The following EIF4ENIF1 variants were observed in gnomAD, a reference collection of about 807,000 sequenced individuals.
The protein encoded by EIF4ENIF1 is eukaryotic translation initiation factor 4E nuclear import factor 1.
In EIF4ENIF1, 23 loss-of-function variants were observed where a neutral mutation model predicts 110.5. The observed-to-expected ratio is 0.21, with a 90% CI of 0.15 to 0.29. The LOEUF (loss-of-function observed/expected upper bound fraction) is 0.29. Among genes scored for constraint, EIF4ENIF1 ranks in the 10% least tolerant of loss-of-function variants. The pLI is 1.00. For synonymous variants in EIF4ENIF1, 440 were observed against 437.0 expected, an observed-to-expected ratio of 1.01 and a Z score of -0.09; for missense variants, 1,031 against 1,221.1, an observed-to-expected ratio of 0.84 and a Z score of 2.32.
rs768711840 is a variant in EIF4ENIF1, at chr22:31,440,047, G to T, written c.2791C>A (p.Arg931=). The T allele has an allele frequency of 6.2e-7, 1 of 1,614,056 alleles. No homozygotes were observed. Among genetic ancestry groups the T allele is most frequent in the Non-Finnish European group, 8.5e-7 (1 of 1,179,940 alleles). The part of the protein sequence containing the change: ...VQTTPQNVPS[R]SGLPHMHSQL... The stretch of plus-strand genomic sequence containing the variant: ...GAGTGCATGTGGGGCAGGCCTGACC[G>T]GCTGGGCACGTTCTGAGGGGTTGTC... The change falls in exon 19 of 19, where the codon CGG becomes AGG. Residue 931 remains arginine, a synonymous_variant. Transcript: ENST00000330125.
In EIF4ENIF1 at chr22:31,441,943, G is replaced by T. The variant is rs773107921; in HGVS notation, c.2382C>A (p.Thr794=). 1.2e-6 allele frequency: 2 copies of T among 1,614,198 alleles called. No individual in the cohort carries two copies. Among genetic ancestry groups the T allele is most frequent in the South Asian group, 2.2e-5 (2 of 91,088 alleles). The change falls in exon 17 of 19, where the codon ACC becomes ACA. Residue 794 remains threonine (T), a synonymous_variant. Transcript: ENST00000330125. ...RPKATGRKTP[T]LASPVPTTPF... is the part of the protein sequence containing the mutation. Reference sequence around the variant, plus strand: ...GTGTTGTAGGAACTGGGGATGCCAAGGTGGGTGTTTTTCTCCCAGTTGCTT... The same window carrying T: ...GTGTTGTAGGAACTGGGGATGCCAATGTGGGTGTTTTTCTCCCAGTTGCTT...
chr22:31,492,262 G>T (rs931775244), upstream of EIF4ENIF1, among the ~76,000 whole-genome samples: 7 of 152,178 alleles, frequency 4.6e-5, 2 homozygotes, highest in Non-Finnish European at 4.4e-5. Flanking sequence ...TCTACCACGT[G>T]CCACATTCTG....
chr22:31,472,539 G>C (rs1219726358), intron 2 of EIF4ENIF1, among the ~76,000 whole-genome samples: 1 of 152,134 alleles, frequency 6.6e-6, no homozygotes, highest in African/African-American at 2.4e-5. Context: ...AAAGTGCTGG[G>C]ATTACAGGTG....
chr22:31,461,022 C>G (rs2050976422), intron 6 of EIF4ENIF1, among the ~76,000 whole-genome samples: 1 of 152,158 alleles, frequency 6.6e-6, no homozygotes, highest in Non-Finnish European at 1.5e-5. Flanking sequence ...AGGCTTTCAA[C>G]TAAGCCTGAA....
At chr22:31,466,868 C>T (rs901860044) in intron 4 of EIF4ENIF1, among the ~76,000 whole-genome samples, 3 of 152,036 alleles carry the variant, frequency 2.0e-5, no homozygotes, top group Non-Finnish European at 4.4e-5. Context: ...CCTAGAAAAA[C>T]CAGGAAACTG....
At chr22:31,468,151 A>T (rs759762125) in intron 4 of EIF4ENIF1, 24 bp downstream of exon 4, 36 of 1,609,468 alleles carry the variant, frequency 2.2e-5, no homozygotes, top group Non-Finnish European at 2.7e-5. Flanking sequence ...CACTAACCCC[A>T]CTTCTGAGTG....
chr22:31,466,427 A>C (rs935332329), intron 4 of EIF4ENIF1, among the ~76,000 whole-genome samples: 5 of 146,368 alleles, frequency 3.4e-5, no homozygotes, highest in African/African-American at 1.3e-4. Context: ...GGGGGAAAAA[A>C]AAATTAGCTG....
chr22:31,444,497 T>C (rs2050399852), intron 15 of EIF4ENIF1, 109 bp downstream of exon 15: 1 of 1,031,918 alleles, frequency 9.7e-7, no homozygotes, highest in Non-Finnish European at 1.5e-6. Flanking sequence ...AGGTCAGTTA[T>C]TTCCGTGGAA....
intron 10 of EIF4ENIF1, chr22:31,450,743 C>T (rs13058217): frequency 5.2e-6 from 1 of 191,114 alleles, no homozygotes; most frequent in Non-Finnish European, 1.1e-5. Context: ...CACACACACT[C>T]ATATATACAC....
rs555266538 is a variant in EIF4ENIF1 at position 31,442,909 on chromosome 22, G to A, written c.2206+53C>T. On this transcript the variant is annotated intron_variant, in intron 16 of 18. Coordinates refer to ENST00000330125, the MANE Select transcript of EIF4ENIF1 (RefSeq NM_019843.4). Reference sequence around the variant, plus strand: ...CAGGCTGGTCAGCGCTCAGGCCCATGTTTTCTCCATCACATACTTTCTTGA... The same window carrying A: ...CAGGCTGGTCAGCGCTCAGGCCCATATTTTCTCCATCACATACTTTCTTGA... 23 of 1,603,226 alleles carry A rather than the reference G, an allele frequency of 1.4e-5. No individual in the cohort carries two copies. The African/African-American group carries it at 2.4e-4, about 17-fold the overall frequency.
intron 2 of EIF4ENIF1, among the ~76,000 whole-genome samples, chr22:31,483,624 T>C (rs1234761011): frequency 2.0e-5 from 3 of 152,090 alleles, no homozygotes; most frequent in Admixed American, 1.3e-4. Flanking sequence ...TTAATACCAC[T>C]GAGAAGAGGC....
chr22:31,450,273 T>A lies in EIF4ENIF1; in HGVS notation c.1584+16A>T, dbSNP rs1569072060. The A allele has an allele frequency of 6.2e-7, 1 of 1,610,856 alleles. No individual in the cohort carries two copies. Among genetic ancestry groups the A allele is most frequent in the East Asian group, 2.2e-5 (1 of 44,830 alleles). On this transcript the variant is annotated intron_variant, in intron 11 of 18. Transcript: ENST00000330125. ...TGTTCAAGACTCCAAGGCCTCAGTA[T>A]AAGATTGTGAAGTACCTGCAGGATG...
chr22:31,485,998 G>C (rs2052005815), intron 2 of EIF4ENIF1, among the ~76,000 whole-genome samples: 1 of 151,978 alleles, frequency 6.6e-6, no homozygotes, highest in Non-Finnish European at 1.5e-5. Context: ...TATAATTCCA[G>C]CATTTTGGGG....
At chr22:31,492,593 GA>G (rs1569118033), upstream of EIF4ENIF1, among the ~76,000 whole-genome samples, 1 of 152,074 alleles carries the variant, frequency 6.6e-6, no homozygotes, top group Non-Finnish European at 1.5e-5. Flanking sequence ...TATTACCTAG[GA>G]AAAAAGGTAA....
chr22:31,466,642 T>C (rs1271511086), intron 4 of EIF4ENIF1, among the ~76,000 whole-genome samples: 2 of 55,620 alleles, frequency 3.6e-5, no homozygotes, highest in East Asian at 1.2e-3. Context: ...GGAAGTGTTG[T>C]GGGGGGGGCA....
At chr22:31,447,117 G>T (rs1224118746) in intron 14 of EIF4ENIF1, 10 of 398,962 alleles carry the variant, frequency 2.5e-5, no homozygotes, top group South Asian at 4.2e-5. Flanking sequence ...TAACAATCTT[G>T]TGAGGTAAAT....
At chr22:31,457,242 AT>A (rs1251232304) in intron 7 of EIF4ENIF1, among the ~76,000 whole-genome samples, 1 of 152,252 alleles carries the variant, frequency 6.6e-6, no homozygotes, top group Non-Finnish European at 1.5e-5. Context: ...CATAGTTTAC[AT>A]TTAATAAGGA....
intron 14 of EIF4ENIF1, among the ~76,000 whole-genome samples, chr22:31,446,591 A>T (rs1379143446): frequency 6.6e-6 from 1 of 152,142 alleles, no homozygotes; most frequent in African/African-American, 2.4e-5. Flanking sequence ...GGTAGACTAA[A>T]CTATAGTGTT....
chr22:31,468,391 G>C, intron 3 of EIF4ENIF1, 89 bp from the exon 4 acceptor site: 1 of 1,562,662 alleles, frequency 6.4e-7, no homozygotes, highest in Non-Finnish European at 8.7e-7. Context: ...TAATAGTTAT[G>C]GAAACCCATT....
Sources: gnomAD v4.1 joint callset for allele counts (sites outside exome capture counted in the v4.1 genomes callset) on GRCh38, gnomAD v4.1.1 for gene constraint, MANE v1.5 for transcripts, NCBI Gene and HGNC (gene_info 2026-07-23, HGNC 2026-07-21) for gene names.